The following NCKAP5 variants were observed in gnomAD, a reference collection of about 807,000 sequenced individuals.
The protein encoded by NCKAP5 is nck-associated protein 5.
A neutral mutation model predicts 167.0 loss-of-function variants in NCKAP5; 92 were observed. The observed-to-expected ratio is 0.55, with a 90% CI of 0.47 to 0.66. NCKAP5 has a LOEUF of 0.66. Among genes scored for constraint, NCKAP5 ranks in the 30% least tolerant of loss-of-function variants. NCKAP5 has a pLI of 0.00. For synonymous variants in NCKAP5, 891 were observed against 877.4 expected (o/e 1.02, Z -0.27); for missense variants, 2,378 against 2,315.0 (o/e 1.03, Z -0.56).
At chr2:133,255,533 T>A (rs915629221) in intron 4 of NCKAP5, among the ~76,000 whole-genome samples, 1 of 152,038 alleles carries the variant, frequency 6.6e-6, no homozygotes, top group Non-Finnish European at 1.5e-5. Flanking sequence ...TGTGTACAAA[T>A]ACAGTCCTGA....
intron 19 of NCKAP5, among the ~76,000 whole-genome samples, chr2:132,720,645 C>T (rs1039814831): frequency 1.3e-5 from 2 of 152,076 alleles, no homozygotes; most frequent in Non-Finnish European, 2.9e-5. Flanking sequence ...AGGCAGCAGC[C>T]TCTGTAAGCT....
At chr2:132,704,823 GC>G (rs1304753611) in intron 19 of NCKAP5, among the ~76,000 whole-genome samples, 1 of 152,124 alleles carries the variant, frequency 6.6e-6, no homozygotes, top group Non-Finnish European at 1.5e-5. Flanking sequence ...TTACATTCAT[GC>G]TATTGAACAT....
intron 16 of NCKAP5, among the ~76,000 whole-genome samples, chr2:132,767,401 C>G (rs1230021865): frequency 6.6e-6 from 1 of 152,182 alleles, no homozygotes; most frequent in Non-Finnish European, 1.5e-5. Context: ...CATGCACCAC[C>G]ACGCCTGGCT....
chr2:133,547,537 C>T (rs34760299), intron 2 of NCKAP5, among the ~76,000 whole-genome samples: 35,974 of 148,100 alleles, frequency 0.24, 3,425 homozygotes, highest in East Asian at 0.34. Flanking sequence ...ATCTGAGAAC[C>T]GGCAGACTGC....
chr2:133,506,649 T>C (rs1683036423), intron 3 of NCKAP5, among the ~76,000 whole-genome samples: 2 of 152,158 alleles, frequency 1.3e-5, no homozygotes, highest in South Asian at 2.1e-4. Context: ...GCCACATGGT[T>C]CTATAGCCAC....
chr2:133,231,058 C>T (rs560855461), intron 4 of NCKAP5, among the ~76,000 whole-genome samples: 1 of 152,252 alleles, frequency 6.6e-6, no homozygotes, highest in South Asian at 2.1e-4. Context: ...TGTGAGGCTC[C>T]CTCCAAACCA....
At chr2:132,785,995 C>T (rs1445945110) in intron 13 of NCKAP5, among the ~76,000 whole-genome samples, 3 of 152,154 alleles carry the variant, frequency 2.0e-5, no homozygotes, top group Non-Finnish European at 4.4e-5. Flanking sequence ...GAATTGGCCA[C>T]AACTAACTGT....
At chr2:133,193,613 G>T (rs1001646382) in intron 5 of NCKAP5, among the ~76,000 whole-genome samples, 1 of 151,898 alleles carries the variant, frequency 6.6e-6, no homozygotes, top group Non-Finnish European at 1.5e-5. Flanking sequence ...ACTAGTAGTC[G>T]GTATAAAAAG....
At chr2:133,235,821 T>C (rs2087382200) in intron 4 of NCKAP5, among the ~76,000 whole-genome samples, 1 of 151,530 alleles carries the variant, frequency 6.6e-6, no homozygotes, top group South Asian at 2.1e-4. Flanking sequence ...GGAGAATCAC[T>C]TGGACCCGGG....
intron 1 of NCKAP5, among the ~76,000 whole-genome samples, chr2:133,562,033 A>T (rs1688193696): frequency 6.6e-6 from 1 of 152,150 alleles, no homozygotes; most frequent in African/African-American, 2.4e-5. Context: ...AAGAATAGGG[A>T]TGCTCTGGGA....
chr2:133,531,056 T>C (rs1041623338), intron 2 of NCKAP5, among the ~76,000 whole-genome samples: 3 of 151,992 alleles, frequency 2.0e-5, no homozygotes, highest in Non-Finnish European at 4.4e-5. Context: ...TGGGGTGGTA[T>C]TTTGGGCAGC....
intron 6 of NCKAP5, among the ~76,000 whole-genome samples, chr2:133,098,243 C>G (rs984193131): frequency 6.6e-6 from 1 of 152,178 alleles, no homozygotes; most frequent in Non-Finnish European, 1.5e-5. Context: ...GCAACATCTG[C>G]AAACTTGAAT....
At position 133,303,030 on chromosome 2, in the gene NCKAP5, A is replaced by G; in HGVS notation, c.143+7T>C. The stretch of plus-strand genomic sequence containing the variant: ...AGCAAGCAAATAAGAACATGAATTG[A>G]ACTCACCTCCAGAGACTCCTGTGTT... On this transcript the variant is annotated splice_region_variant and intron_variant, in intron 4 of 19. Coordinates refer to ENST00000409261, the MANE Select transcript of NCKAP5 (RefSeq NM_207363.3). 6.3e-7 allele frequency: 1 copy of G among 1,593,184 alleles called. No individual in the cohort carries two copies. The highest frequency in any genetic ancestry group is 8.6e-7 in the Non-Finnish European group (1 of 1,167,496).
Position 132,728,927 on chromosome 2 carries a change from A to G in NCKAP5, c.5469T>C (p.Asn1823=). The part of the protein sequence containing the change: ...SSGKVSSQKQ[N]EAEPRPQTCS... Reference sequence around the variant, plus strand: ...ATGTCTGAGGCCTTGGCTCTGCTTCATTCTGCTTTTGGGAACTGACTTTTC... The same window carrying G: ...ATGTCTGAGGCCTTGGCTCTGCTTCGTTCTGCTTTTGGGAACTGACTTTTC... Residue 1823 remains asparagine, a synonymous_variant, in exon 18 of 20, where the codon AAT becomes AAC. Coordinates refer to ENST00000409261, the MANE Select transcript of NCKAP5 (RefSeq NM_207363.3). 6.2e-7 allele frequency: 1 copy of G among 1,613,984 alleles called. No homozygotes were observed. The highest frequency in any genetic ancestry group is 8.5e-7 in the Non-Finnish European group (1 of 1,179,862).
intron 6 of NCKAP5, among the ~76,000 whole-genome samples, chr2:133,100,599 T>C (rs1248289401): frequency 6.6e-6 from 1 of 152,170 alleles, no homozygotes; most frequent in Non-Finnish European, 1.5e-5. Flanking sequence ...AATTGGGTTG[T>C]AGCAACAGCG....
intron 6 of NCKAP5, among the ~76,000 whole-genome samples, chr2:133,110,169 G>T (rs142564398): frequency 1.3e-5 from 2 of 152,036 alleles, no homozygotes; most frequent in African/African-American, 4.8e-5. Context: ...TTCCTTTTGC[G>T]GGTTCCTGCA....
At chr2:132,837,452 C>G (rs1297554373) in intron 11 of NCKAP5, among the ~76,000 whole-genome samples, 2 of 152,032 alleles carry the variant, frequency 1.3e-5, no homozygotes, top group Non-Finnish European at 2.9e-5. Context: ...GGGAAATTAC[C>G]TATACTTTAC....
chr2:132,750,190 C>A (rs1338534260), intron 16 of NCKAP5, among the ~76,000 whole-genome samples: 1 of 152,106 alleles, frequency 6.6e-6, no homozygotes, highest in Non-Finnish European at 1.5e-5. Context: ...TCTGACCCTG[C>A]ATTTTAAGTT....
chr2:133,348,277 C>T (rs748375879), intron 3 of NCKAP5, among the ~76,000 whole-genome samples: 20 of 152,156 alleles, frequency 1.3e-4, no homozygotes, highest in Non-Finnish European at 2.2e-4. Flanking sequence ...GAAGTAAAAA[C>T]TCATTCAAGT....
Sources: gnomAD v4.1 joint callset for allele counts (sites outside exome capture counted in the v4.1 genomes callset) on GRCh38, gnomAD v4.1.1 for gene constraint, MANE v1.5 for transcripts, NCBI Gene and HGNC (gene_info 2026-07-23, HGNC 2026-07-21) for gene names.